Variants in NLGN1 observed in about 807,000 individuals in gnomAD.
NLGN1 encodes the protein neuroligin 1, also known as neuroligin-1.
Under a neutral mutation model 65.5 loss-of-function variants are expected in NLGN1, and 12 were observed. The ratio of observed to expected loss-of-function variants is 0.18; its 90% CI spans 0.12 to 0.30. NLGN1 has a LOEUF of 0.30. Among genes scored for constraint, NLGN1 ranks in the 10% least tolerant of loss-of-function variants. The pLI, the probability that NLGN1 is intolerant of heterozygous loss-of-function variation, is 1.00. For synonymous variants in NLGN1, 350 were observed against 359.5 expected (o/e 0.97, Z 0.30); for missense variants, 750 against 1,007.1 (o/e 0.74, Z 3.46).
intron 1 of NLGN1, among the ~76,000 whole-genome samples, chr3:173,402,868 TC>T (rs997204181): frequency 9.2e-5 from 14 of 152,276 alleles, no homozygotes; most frequent in Admixed American, 7.2e-4. Flanking sequence ...TTTTTGATCA[TC>T]ATGGTCGGTC....
At chr3:173,771,993 A>T (rs1779660559) in intron 3 of NLGN1, among the ~76,000 whole-genome samples, 1 of 152,022 alleles carries the variant, frequency 6.6e-6, no homozygotes, top group African/African-American at 2.4e-5. Flanking sequence ...CTTATTTTTT[A>T]AAATTATATA....
At chr3:173,711,103 C>A (rs1425576568) in intron 3 of NLGN1, among the ~76,000 whole-genome samples, 2 of 152,066 alleles carry the variant, frequency 1.3e-5, no homozygotes, top group Non-Finnish European at 2.9e-5. Flanking sequence ...CTAAATTGTG[C>A]AAACAGAAAA....
chr3:173,816,731 T>C (rs1719110535), intron 4 of NLGN1, among the ~76,000 whole-genome samples: 1 of 152,230 alleles, frequency 6.6e-6, no homozygotes, highest in South Asian at 2.1e-4. Flanking sequence ...TGGTCATTTA[T>C]ACTTCATAGA....
chr3:173,781,270 C>T (rs1206043746), intron 3 of NLGN1, among the ~76,000 whole-genome samples: 1 of 151,826 alleles, frequency 6.6e-6, no homozygotes, highest in Non-Finnish European at 1.5e-5. Context: ...ATTGGATATC[C>T]TTCCAGGAAA....
At chr3:173,449,680 G>A (rs1297647220) in intron 2 of NLGN1, among the ~76,000 whole-genome samples, 4 of 152,002 alleles carry the variant, frequency 2.6e-5, no homozygotes, top group African/African-American at 7.2e-5. Flanking sequence ...GTCTCCCATT[G>A]TTATTGTGTG....
intron 3 of NLGN1, among the ~76,000 whole-genome samples, chr3:173,668,619 C>CT (rs34649854): frequency 0.025 from 3,300 of 132,734 alleles, 115 homozygotes; most frequent in African/African-American, 0.072. Flanking sequence ...CTTTTCTTTT[C>CT]TTTTTTTTTT....
At chr3:173,692,443 G>A (rs1052907496) in intron 3 of NLGN1, among the ~76,000 whole-genome samples, 14 of 151,994 alleles carry the variant, frequency 9.2e-5, no homozygotes, top group South Asian at 4.1e-4. Context: ...TTATGTGACC[G>A]CGATATAATA....
chr3:173,694,661 A>G (rs1326043219), intron 3 of NLGN1, among the ~76,000 whole-genome samples: 1 of 152,210 alleles, frequency 6.6e-6, no homozygotes, highest in African/African-American at 2.4e-5. Context: ...ACCATTGAAA[A>G]TATTACTTAC....
At chr3:174,067,686 C>G (rs1304634941) in intron 4 of NLGN1, among the ~76,000 whole-genome samples, 1 of 152,148 alleles carries the variant, frequency 6.6e-6, no homozygotes, top group Non-Finnish European at 1.5e-5. Context: ...CAGATCAGTT[C>G]TATTTAGTAC....
At chr3:173,415,943 A>AGAGAGAGAGAGAGAGC (rs141095727) in intron 1 of NLGN1, among the ~76,000 whole-genome samples, 1 of 142,828 alleles carries the variant, frequency 7.0e-6, no homozygotes, top group African/African-American at 2.8e-5. Flanking sequence ...AGAGAGAGAG[A>AGAGAGAGAGAGAGAGC]GCTTGGTATA....
chr3:173,870,737 T>C (rs1056233349), intron 4 of NLGN1, among the ~76,000 whole-genome samples: 1 of 152,202 alleles, frequency 6.6e-6, no homozygotes, highest in African/African-American at 2.4e-5. Context: ...GCTTAATACA[T>C]GCAGAGAAAG....
At chr3:173,522,943 T>TTTTTTTTTTTTTTTTTTTTTGA (rs1553875214) in intron 2 of NLGN1, among the ~76,000 whole-genome samples, 1 of 151,890 alleles carries the variant, frequency 6.6e-6, no homozygotes, top group Non-Finnish European at 1.5e-5. Context: ...TGTTGTTTTT[T>TTTTTTTTTTTTTTTTTTTTTGA]GACTTTGTAG....
At chr3:173,767,805 T>C (rs893651340) in intron 3 of NLGN1, among the ~76,000 whole-genome samples, 13 of 152,084 alleles carry the variant, frequency 8.5e-5, no homozygotes, top group African/African-American at 2.9e-4. Flanking sequence ...AATTATAGTT[T>C]AAGGTCTTGA....
intron 3 of NLGN1, among the ~76,000 whole-genome samples, chr3:173,720,819 A>G (rs1402188509): frequency 1.3e-5 from 2 of 152,226 alleles, no homozygotes; most frequent in East Asian, 1.9e-4. Context: ...TGAAACAAGA[A>G]CGTGATACCT....
intron 5 of NLGN1, among the ~76,000 whole-genome samples, chr3:174,277,603 A>G (rs1207541905): frequency 2.0e-5 from 3 of 151,962 alleles, no homozygotes; most frequent in African/African-American, 7.2e-5. Flanking sequence ...CTGTATTTGT[A>G]TCATTTGCTC....
rs981103140 is a variant in NLGN1, at chr3:173,605,081, G to A, written c.483G>A (p.Pro161=). ...GCCTATATTTAAATATATATGTCCC[G>A]ACTGAGGATGGTGAGTTTATTGCAG... The change falls in exon 3 of 7, where the codon CCG becomes CCA. Residue 161 remains proline (P), a synonymous_variant. Transcript: ENST00000457714. The A allele has an allele frequency of 2.6e-5, 41 of 1,605,248 alleles. No homozygotes were observed. The highest frequency in any genetic ancestry group is 3.0e-5 in the Non-Finnish European group (35 of 1,175,576).
exon 7 of NLGN1, chr3:174,281,056 A>G (rs1561470515): frequency 4.3e-6 from 7 of 1,613,378 alleles, no homozygotes; most frequent in Middle Eastern, 1.7e-4. Context: ...GATTTGGATC[A>G]TGAATGTGAG....
At chr3:174,200,145 C>T (rs1362762259) in intron 4 of NLGN1, among the ~76,000 whole-genome samples, 2 of 152,208 alleles carry the variant, frequency 1.3e-5, no homozygotes, top group Non-Finnish European at 2.9e-5. Flanking sequence ...CTCATTTTAT[C>T]ACTTTGGAAA....
chr3:173,778,914 T>C (rs1460501569), intron 3 of NLGN1, among the ~76,000 whole-genome samples: 1 of 151,576 alleles, frequency 6.6e-6, no homozygotes, highest in Non-Finnish European at 1.5e-5. Context: ...AAAATTTTTC[T>C]TACAGAGCAA....
Sources: allele counts gnomAD v4.1 joint callset (sites outside exome capture counted in the v4.1 genomes callset), GRCh38; gene constraint gnomAD v4.1.1; transcripts MANE v1.5; gene names NCBI Gene and HGNC (gene_info 2026-07-23, HGNC 2026-07-21).